MAPKAP1: variants seen among roughly 807,000 people sequenced by gnomAD.
The protein encoded by MAPKAP1 is MAPK associated protein 1, also known as target of rapamycin complex 2 subunit MAPKAP1.
In MAPKAP1, 20 loss-of-function variants were observed where a neutral mutation model predicts 65.7. That is an observed-to-expected ratio of 0.30 (90% CI 0.21 to 0.44). The LOEUF (loss-of-function observed/expected upper bound fraction) is 0.44. Ranked by LOEUF, MAPKAP1 falls within the 20% of genes least tolerant of loss-of-function variation. MAPKAP1 has a pLI of 1.00. For missense variants in MAPKAP1, 423 were observed against 648.0 expected, an observed-to-expected ratio of 0.65 and a Z score of 3.77; for synonymous variants, 222 against 244.3, an observed-to-expected ratio of 0.91 and a Z score of 0.85.
intron 9 of MAPKAP1, among the ~76,000 whole-genome samples, chr9:125,480,914 G>A (rs1460599527): frequency 1.4e-5 from 2 of 146,012 alleles, no homozygotes; most frequent in African/African-American, 5.1e-5. Flanking sequence ...GGAGGTTGCA[G>A]TGAGCCGAGC....
At chr9:125,643,180 A>C (rs1249146410) in intron 4 of MAPKAP1, among the ~76,000 whole-genome samples, 1 of 146,730 alleles carries the variant, frequency 6.8e-6, no homozygotes, top group African/African-American at 2.6e-5. Flanking sequence ...GATTACTGAC[A>C]TGAGCCACCA....
At chr9:125,651,849 G>A (rs1000763679) in intron 4 of MAPKAP1, among the ~76,000 whole-genome samples, 6 of 152,210 alleles carry the variant, frequency 3.9e-5, no homozygotes, top group African/African-American at 1.2e-4. Context: ...GGGTAAAGGA[G>A]AAGGAAGTAA....
intron 6 of MAPKAP1, among the ~76,000 whole-genome samples, chr9:125,550,876 G>A (rs564627024): frequency 6.6e-6 from 1 of 152,238 alleles, no homozygotes; most frequent in Non-Finnish European, 1.5e-5. Context: ...AAATAACCAG[G>A]ATAATTTATA....
Position 125,675,542 on chromosome 9 carries a change from A to G in MAPKAP1, c.-69-2899T>C, listed in dbSNP as rs766307747. 4.8e-4 allele frequency among the ~76,000 whole-genome samples: 73 copies of G among 152,314 alleles called. 1 individual carries two copies. Among genetic ancestry groups the G allele is most frequent in the Middle Eastern group, 6.8e-3 (2 of 294 alleles). ...ACACTATGACTTCATACATTAAGGAATCTGTATGATTCATTCAAAAAATAT... is the reference window on the plus strand; with the variant it reads ...ACACTATGACTTCATACATTAAGGAGTCTGTATGATTCATTCAAAAAATAT... On this transcript the variant is annotated intron_variant, in intron 1 of 11. Transcript: ENST00000265960.
At chr9:125,603,300 C>T (rs983584545) in intron 4 of MAPKAP1, among the ~76,000 whole-genome samples, 15 of 152,082 alleles carry the variant, frequency 9.9e-5, no homozygotes, top group African/African-American at 3.4e-4. Context: ...CATCAGTAAT[C>T]GTGAGGTGTA....
chr9:125,632,484 T>C (rs937035128), intron 4 of MAPKAP1, among the ~76,000 whole-genome samples: 37 of 152,322 alleles, frequency 2.4e-4, no homozygotes, highest in Non-Finnish European at 8.8e-5. Context: ...CAATTAACCA[T>C]GACCCTAAAC....
intron 8 of MAPKAP1, 148 bp from the exon 9 acceptor site, chr9:125,484,731 C>T (rs1854437744): frequency 1.4e-6 from 1 of 706,290 alleles, no homozygotes; most frequent in South Asian, 2.5e-5. Flanking sequence ...AATGCCATTC[C>T]AGTAAACAGA....
chr9:125,607,550 G>A (rs1822404169), intron 4 of MAPKAP1, among the ~76,000 whole-genome samples: 1 of 152,230 alleles, frequency 6.6e-6, no homozygotes, highest in Admixed American at 6.5e-5. Flanking sequence ...CTAGTGAAGC[G>A]AGGATGCTAA....
chr9:125,607,364 C>T (rs749408071), intron 4 of MAPKAP1, among the ~76,000 whole-genome samples: 16 of 152,234 alleles, frequency 1.1e-4, no homozygotes, highest in Non-Finnish European at 1.8e-4. Context: ...TTCATTCCAA[C>T]ACTACAGCAG....
chr9:125,457,779 C>T (rs1186477385), intron 10 of MAPKAP1, among the ~76,000 whole-genome samples: 1 of 152,252 alleles, frequency 6.6e-6, no homozygotes, highest in African/African-American at 2.4e-5. Context: ...GGATGCTCCA[C>T]TCTGGTTAGC....
chr9:125,683,377 C>T (rs1185014533), intron 1 of MAPKAP1, among the ~76,000 whole-genome samples: 2 of 152,158 alleles, frequency 1.3e-5, no homozygotes, highest in Non-Finnish European at 2.9e-5. Context: ...TGATTACTTT[C>T]CATTATATAA....
At chr9:125,556,790 G>A (rs1830748038) in intron 6 of MAPKAP1, among the ~76,000 whole-genome samples, 1 of 152,194 alleles carries the variant, frequency 6.6e-6, no homozygotes, top group Non-Finnish European at 1.5e-5. Flanking sequence ...TGCATCTGTA[G>A]GAGAAGCTTT....
intron 4 of MAPKAP1, among the ~76,000 whole-genome samples, chr9:125,590,740 T>C (rs1334175474): frequency 6.6e-6 from 1 of 152,126 alleles, no homozygotes; most frequent in Non-Finnish European, 1.5e-5. Context: ...ATTATATCAT[T>C]TAATTCATAC....
chr9:125,568,026 AT>A (rs1344986017), intron 5 of MAPKAP1: 1 of 152,250 alleles, frequency 6.6e-6, no homozygotes, highest in African/African-American at 2.4e-5. Context: ...AAAGAATGAG[AT>A]TGGTAAAGAA....
chr9:125,506,473 A>G (rs1829146565), intron 7 of MAPKAP1, 56 bp from the exon 8 acceptor site: 2 of 1,429,244 alleles, frequency 1.4e-6, no homozygotes, highest in Non-Finnish European at 2.0e-6. Context: ...CGAATTTAAC[A>G]TTTAAAAAAC....
intron 9 of MAPKAP1, among the ~76,000 whole-genome samples, chr9:125,469,462 T>C (rs559988415): frequency 2.6e-5 from 4 of 152,310 alleles, no homozygotes; most frequent in Non-Finnish European, 4.4e-5. Context: ...ACACGCTCCA[T>C]ACATTTATAT....
rs1477019136 is a variant in MAPKAP1 at position 125,438,736 on chromosome 9, G to A, written c.*151C>T. On this transcript the variant is annotated 3_prime_UTR_variant, in exon 12 of 12. Coordinates refer to ENST00000265960, the MANE Select transcript of MAPKAP1 (RefSeq NM_001006617.3). ...CAGCGCTCCCTCCTAGGGGGCCCCCGACACCTTCCCCGAGAGCCCACCTGC... is the reference window on the plus strand; with the variant it reads ...CAGCGCTCCCTCCTAGGGGGCCCCCAACACCTTCCCCGAGAGCCCACCTGC... 9 of 1,079,694 alleles carry A rather than the reference G, an allele frequency of 8.3e-6. No homozygotes were observed. The highest frequency in any genetic ancestry group is 4.7e-5 in the African/African-American group (3 of 63,254). The allele number at this position is 1,079,694 out of a possible 1,614,324, so 66.9% of individuals were successfully genotyped here.
At chr9:125,563,909 C>T (rs954804119) in intron 5 of MAPKAP1, among the ~76,000 whole-genome samples, 6 of 152,258 alleles carry the variant, frequency 3.9e-5, no homozygotes, top group Middle Eastern at 3.4e-3. Context: ...GACAGGGTTT[C>T]GCCATGTTGG....
At chr9:125,682,300 C>T (rs1834847983) in intron 1 of MAPKAP1, among the ~76,000 whole-genome samples, 1 of 152,110 alleles carries the variant, frequency 6.6e-6, no homozygotes, top group Non-Finnish European at 1.5e-5. Flanking sequence ...ACTCAAAACT[C>T]TAAATTTTAC....
Sources: allele counts gnomAD v4.1 joint callset (sites outside exome capture counted in the v4.1 genomes callset), GRCh38; gene constraint gnomAD v4.1.1; transcripts MANE v1.5; gene names NCBI Gene and HGNC (gene_info 2026-07-23, HGNC 2026-07-21).